PCBP3: variants seen among roughly 807,000 people sequenced by gnomAD.
PCBP3 encodes poly(rC) binding protein 3.
Under a neutral mutation model 52.7 loss-of-function variants are expected in PCBP3, and 25 were observed. That is an observed-to-expected ratio of 0.47 (90% CI 0.35 to 0.66). The LOEUF (loss-of-function observed/expected upper bound fraction) is 0.66, where lower values mean the gene tolerates loss of function less well. Ranked by LOEUF, PCBP3 falls within the 30% of genes least tolerant of loss-of-function variation. The pLI is 0.01. For missense variants in PCBP3, 391 were observed against 490.3 expected (o/e 0.80, Z 1.91); for synonymous variants, 162 against 183.0 (o/e 0.89, Z 0.93).
chr21:45,727,149 T>A, intron 2 of PCBP3, among the ~76,000 whole-genome samples: 1 of 152,242 alleles, frequency 6.6e-6, no homozygotes. Flanking sequence ...AGCTTTATAG[T>A]TTTGACTATT....
At position 45,915,396 on chromosome 21, in the gene PCBP3, C is replaced by T. The variant is rs1392784899; in HGVS notation, c.675+1371C>T. On this transcript the variant is annotated intron_variant, in intron 12 of 17. Transcript: ENST00000681687. ...TTCCCCAAATTCATGGTTAGGTAAC[C>T]GGTTTAGTAACCTCTGTGGACTCCA... 6 of 152,200 alleles carry T rather than the reference C, an allele frequency of 3.9e-5. No individual in the cohort carries two copies. The East Asian group carries it at 5.8e-4, about 15-fold the overall frequency. 9.4% of individuals were successfully genotyped at this position (152,200 alleles called of 1,614,324 possible). A position where few individuals can be genotyped will look rare whatever the true frequency, so the allele number is the denominator to read the frequency against.
rs2086427069 is a variant in PCBP3 at position 45,741,247 on chromosome 21, T to C, written c.-162+5818T>C. On this transcript the variant is annotated intron_variant, in intron 3 of 17. Coordinates refer to ENST00000681687, the MANE Select transcript of PCBP3 (RefSeq NM_001384156.1). The surrounding 1 kb of genome is among the most constrained non-coding windows in gnomAD (Gnocchi z 4.5). ...AGTGGTCGGCCCCATGGCTAGGAGT[T>C]TGGAAAGAAATCAACCTAAGTTCAT... 6.6e-6 allele frequency among the ~76,000 whole-genome samples: 1 copy of C among 152,018 alleles called. No individual in the cohort carries two copies. The highest frequency in any genetic ancestry group is 6.6e-5 in the Admixed American group (1 of 15,264).
At chr21:45,653,382 T>TA (rs2079811294) in intron 1 of PCBP3, among the ~76,000 whole-genome samples, 1 of 152,188 alleles carries the variant, frequency 6.6e-6, no homozygotes, top group Non-Finnish European at 1.5e-5. Flanking sequence ...TGCCAGTTTT[T>TA]ATGTATAAAT....
At chr21:45,744,027 C>A (rs1208353904) in intron 3 of PCBP3, among the ~76,000 whole-genome samples, 1 of 150,012 alleles carries the variant, frequency 6.7e-6, no homozygotes, top group East Asian at 1.9e-4. Flanking sequence ...TGATTTTATA[C>A]ACATTTTCTT....
intron 1 of PCBP3, among the ~76,000 whole-genome samples, chr21:45,647,561 T>C (rs2079399448): frequency 6.6e-6 from 1 of 152,202 alleles, no homozygotes; most frequent in Non-Finnish European, 1.5e-5. Context: ...GCATGAGTTA[T>C]AATTGGGCAT....
intron 5 of PCBP3, among the ~76,000 whole-genome samples, chr21:45,886,385 G>C (rs1018471598): frequency 7.1e-6 from 1 of 141,450 alleles, no homozygotes; most frequent in Non-Finnish European, 1.5e-5. Context: ...CGGGTGCCAA[G>C]GGCAGAGGAT....
chr21:45,810,247 A>AGAGTGTGTGT (rs2092645529), intron 4 of PCBP3, among the ~76,000 whole-genome samples: 1 of 145,634 alleles, frequency 6.9e-6, no homozygotes. Context: ...TGTGTGTGTG[A>AGAGTGTGTGT]GAGAGTGTGT....
intron 2 of PCBP3, among the ~76,000 whole-genome samples, chr21:45,679,277 C>T (rs1198238557): frequency 6.6e-6 from 1 of 151,866 alleles, no homozygotes; most frequent in African/African-American, 2.4e-5. Flanking sequence ...TGCACCACCA[C>T]GCCCAGCTAA....
intron 4 of PCBP3, among the ~76,000 whole-genome samples, chr21:45,840,443 C>T (rs1052257489): frequency 2.4e-5 from 3 of 127,096 alleles, no homozygotes; most frequent in Non-Finnish European, 4.8e-5. Context: ...GGTGACAGAG[C>T]GGGACCCTGT....
At position 45,662,271 on chromosome 21, in the gene PCBP3, G is replaced by GTT. The variant is rs59220095; in HGVS notation, c.-278-6574_-278-6573dup. ...TACAGGTATGTGCCAATATACCTAAGTTTTTTTTTTTTTTTTTTTTTTTTT... is the reference window on the plus strand; with the variant it reads ...TACAGGTATGTGCCAATATACCTAAGTTTTTTTTTTTTTTTTTTTTTTTTTTT... On this transcript the variant is annotated intron_variant, in intron 1 of 17. Transcript: ENST00000681687. Among the ~76,000 whole-genome samples, 112 of 97,268 alleles carry GTT rather than the reference G, an allele frequency of 1.2e-3. 6 individuals carry two copies. The highest frequency in any genetic ancestry group is 3.8e-3 in the African/African-American group (80 of 21,316). 63.8% of individuals were successfully genotyped at this position (97,268 alleles called of 152,430 possible).
rs1248655818 is a variant in PCBP3, at chr21:45,646,157, G to A, written c.-279+2289G>A. On this transcript the variant is annotated intron_variant, in intron 1 of 17. Transcript: ENST00000681687. ...TGTGTGTGTGTGTGTTTTGGGGCAGGGGGAGCTCAAACTTCCTTTCCAGTG... is the reference window on the plus strand; with the variant it reads ...TGTGTGTGTGTGTGTTTTGGGGCAGAGGGAGCTCAAACTTCCTTTCCAGTG... Among the ~76,000 whole-genome samples the A allele has an allele frequency of 4.2e-5, 6 of 142,036 alleles. No homozygotes were observed. In the Admixed American group the frequency reaches 4.3e-4, roughly 10 times the overall value. 93.2% of individuals were successfully genotyped at this position (142,036 alleles called of 152,430 possible).
intron 4 of PCBP3, among the ~76,000 whole-genome samples, chr21:45,758,096 C>G (rs943735258): frequency 4.6e-5 from 7 of 152,250 alleles, no homozygotes; most frequent in Non-Finnish European, 7.4e-5. Context: ...ACCATGTTGC[C>G]CAGGGTGGTC....
intron 1 of PCBP3, among the ~76,000 whole-genome samples, chr21:45,650,740 G>T (rs986685645): frequency 2.0e-5 from 3 of 152,116 alleles, no homozygotes; most frequent in Admixed American, 2.0e-4. Context: ...GGAAAGGGAG[G>T]AATTTTTATT....
chr21:45,840,886 A>G (rs571840413), intron 4 of PCBP3, among the ~76,000 whole-genome samples: 2 of 152,292 alleles, frequency 1.3e-5, no homozygotes, highest in African/African-American at 2.4e-5. Flanking sequence ...AAGTGCTGGG[A>G]TTACAGATGT....
At chr21:45,810,755 T>C (rs2092664691) in intron 4 of PCBP3, among the ~76,000 whole-genome samples, 3 of 152,242 alleles carry the variant, frequency 2.0e-5, no homozygotes, top group African/African-American at 4.8e-5. Flanking sequence ...GGTGTTGTTA[T>C]GTCTCTATGT....
In PCBP3 at chr21:45,736,538, C is replaced by T. The variant is rs913633268; in HGVS notation, c.-162+1109C>T. 1.3e-5 allele frequency among the ~76,000 whole-genome samples: 2 copies of T among 151,682 alleles called. No individual in the cohort carries two copies. Among genetic ancestry groups the T allele is most frequent in the Non-Finnish European group, 2.9e-5 (2 of 67,948 alleles). ...CAGGGCAGCGCCCTGGTTAGAGAGACGGCATGGGGAGTTGGCAGGGGGAGG... is the reference window on the plus strand; with the variant it reads ...CAGGGCAGCGCCCTGGTTAGAGAGATGGCATGGGGAGTTGGCAGGGGGAGG... On this transcript the variant is annotated intron_variant, in intron 3 of 17. Transcript: ENST00000681687. The surrounding 1 kb of genome is among the most constrained non-coding windows in gnomAD (Gnocchi z 4.6).
chr21:45,905,805 C>G (rs2096188817), intron 9 of PCBP3, among the ~76,000 whole-genome samples: 1 of 152,212 alleles, frequency 6.6e-6, no homozygotes, highest in African/African-American at 2.4e-5. Context: ...AAAGCCCCAT[C>G]TCTAAACACA....
intron 5 of PCBP3, among the ~76,000 whole-genome samples, chr21:45,863,488 G>T (rs926927963): frequency 6.6e-6 from 1 of 152,208 alleles, no homozygotes; most frequent in South Asian, 2.1e-4. Flanking sequence ...GGGGGAAGGG[G>T]GTATTGAAAT....
At chr21:45,688,931 T>C (rs1252764901) in intron 2 of PCBP3, among the ~76,000 whole-genome samples, 2 of 151,744 alleles carry the variant, frequency 1.3e-5, no homozygotes, top group African/African-American at 4.8e-5. Flanking sequence ...CTGAAAAGCT[T>C]TAAAAATCCA....
Sources: gnomAD v4.1 joint callset for allele counts (sites outside exome capture counted in the v4.1 genomes callset) on GRCh38, gnomAD v4.1.1 for gene constraint, Gnocchi (gnomAD v3.1) non-coding constraint, MANE v1.5 for transcripts, NCBI Gene and HGNC (gene_info 2026-07-23, HGNC 2026-07-21) for gene names.